Variants in CALCRL observed in about 807,000 individuals in gnomAD.
CALCRL encodes calcitonin gene-related peptide type 1 receptor.
A neutral mutation model predicts 60.4 loss-of-function variants in CALCRL; 27 were observed. The ratio of observed to expected loss-of-function variants is 0.45; its 90% CI spans 0.33 to 0.62. The LOEUF (loss-of-function observed/expected upper bound fraction) is 0.62, where lower values mean the gene tolerates loss of function less well. CALCRL is among the 20% of genes least tolerant of loss of function. The probability of loss-of-function intolerance (pLI) is 0.03; values close to 1 mark genes in which losing one functional copy is unlikely to be tolerated. For synonymous variants in CALCRL, 190 were observed against 182.6 expected (o/e 1.04, Z -0.33); for missense variants, 424 against 540.7 (o/e 0.78, Z 2.14).
At chr2:187,382,175 A>G (rs1190676300) in intron 5 of CALCRL, among the ~76,000 whole-genome samples, 4 of 152,294 alleles carry the variant, frequency 2.6e-5, no homozygotes, top group Admixed American at 2.6e-4. Flanking sequence ...GTTTTATGGC[A>G]TTTGAGTTAG....
intron 5 of CALCRL, among the ~76,000 whole-genome samples, chr2:187,382,709 C>A (rs1688031195): frequency 6.6e-6 from 1 of 151,966 alleles, no homozygotes; most frequent in Admixed American, 6.6e-5. Context: ...TATCTTAATG[C>A]AAACAGAAGC....
At chr2:187,370,198 TTC>T (rs923868021) in intron 8 of CALCRL, among the ~76,000 whole-genome samples, 1 of 152,184 alleles carries the variant, frequency 6.6e-6, no homozygotes, top group African/African-American at 2.4e-5. Context: ...TATCTAGTCA[TTC>T]TGTTTTTTCT....
chr2:187,346,328 T>A lies in CALCRL; in HGVS notation c.1242A>T (p.Glu414Asp). 6.2e-7 allele frequency: 1 copy of A among 1,612,544 alleles called. No homozygotes were observed. The highest frequency in any genetic ancestry group is 8.5e-7 in the Non-Finnish European group (1 of 1,179,062). ...IQFGNSFSNS[E>D]ALRSASYTVS... is the part of the protein sequence containing the mutation. Reference sequence around the variant, plus strand: ...CTGTGTAAGACGCACTACGAAGAGCTTCTGAGTTGGAAAAGCTGTTTCCAA... The same window carrying A: ...CTGTGTAAGACGCACTACGAAGAGCATCTGAGTTGGAAAAGCTGTTTCCAA... The change falls in exon 15 of 15, where the codon GAA becomes GAT. Residue 414 changes from glutamate (E) to aspartate (D), a missense_variant. By Grantham distance (45) the Glu-to-Asp change is conservative. Around this residue, in one of 7 missense-constraint regions of CALCRL, gnomAD observed 222 missense variants for 265.6 expected, o/e 0.84. Transcript: ENST00000392370.
intron 13 of CALCRL, 30 bp from the exon 14 acceptor site, chr2:187,351,991 C>G: frequency 2.5e-6 from 4 of 1,584,908 alleles, no homozygotes; most frequent in Non-Finnish European, 3.5e-6. Flanking sequence ...TGATCTGAAT[C>G]CAAATGGAAA....
intron 6 of CALCRL, 27 bp downstream of exon 6, chr2:187,380,650 G>GTT: frequency 1.3e-6 from 2 of 1,581,152 alleles, no homozygotes; most frequent in Non-Finnish European, 1.7e-6. Flanking sequence ...ATGTCAAGGA[G>GTT]ATATGTAGAT....
chr2:187,381,612 C>T lies in CALCRL; in HGVS notation c.185-825G>A, dbSNP rs764327562. Among the ~76,000 whole-genome samples the T allele has an allele frequency of 6.6e-5, 10 of 152,008 alleles. No individual in the cohort carries two copies. In the East Asian group the frequency reaches 9.7e-4, roughly 15 times the overall value. On this transcript the variant is annotated intron_variant, in intron 5 of 14. Transcript: ENST00000392370. ...CTGGGACTACAGGTGCCCGCCACTG[C>T]GCCCAGCTAATTTTTGTATTTTTAG...
chr2:187,383,203 T>C lies in CALCRL; in HGVS notation c.154A>G (p.Ile52Val). ...GCTTGTTGAATGGGGTCTTGCATAA[T>C]CTTTTGGTAACATTCATATTGAGCT... ...MTAQYECYQK[I>V]MQDPIQQAEG... is the part of the protein sequence containing the mutation. The change falls in exon 5 of 15, where the codon ATT becomes GTT. Residue 52 changes from isoleucine to valine, a missense_variant. By Grantham distance (29) the Ile-to-Val change is conservative (BLOSUM62 3). This residue lies in a region of CALCRL where 108 missense variants were observed against 132.9 expected (regional missense o/e 0.81). Coordinates refer to ENST00000392370, the MANE Select transcript of CALCRL (RefSeq NM_005795.6). The C allele has an allele frequency of 6.2e-7, 1 of 1,612,236 alleles. No individual in the cohort carries two copies. The highest frequency in any genetic ancestry group is 2.2e-5 in the East Asian group (1 of 44,760).
rs902620741 is a variant in CALCRL at position 187,342,254 on chromosome 2, T to C, written c.*3930A>G. On this transcript the variant is annotated 3_prime_UTR_variant, in exon 15 of 15. Transcript: ENST00000392370. ...TGAAATGAAAGTAGAGATAGAGGGA[T>C]AGAGAAGTGATGGCTAAAGGATACA... is the stretch of plus-strand genomic sequence containing the variant. Among the ~76,000 whole-genome samples the C allele has an allele frequency of 6.6e-6, 1 of 151,742 alleles. No individual in the cohort carries two copies. Among genetic ancestry groups the C allele is most frequent in the Non-Finnish European group, 1.5e-5 (1 of 67,728 alleles).
intron 12 of CALCRL, among the ~76,000 whole-genome samples, chr2:187,355,936 C>T (rs760036792): frequency 2.0e-5 from 3 of 152,132 alleles, no homozygotes; most frequent in Admixed American, 1.3e-4. Flanking sequence ...AGGAATACAA[C>T]TTCCAAGGGA....
chr2:187,400,229 A>T (rs7589584), intron 1 of CALCRL, among the ~76,000 whole-genome samples: 6,975 of 151,300 alleles, frequency 0.046, 536 homozygotes, highest in African/African-American at 0.16. Flanking sequence ...TCATTTTTTT[A>T]AAAAAATTGA....
At chr2:187,398,694 C>G (rs1688759308) in intron 1 of CALCRL, among the ~76,000 whole-genome samples, 1 of 151,600 alleles carries the variant, frequency 6.6e-6, no homozygotes, top group African/African-American at 2.4e-5. Context: ...CCAACCAACA[C>G]CACTGGAATT....
Position 187,388,025 on chromosome 2 carries a change from A to T in CALCRL, c.-292-269T>A. ...ATGTACATATTTTCTATGAGTAAAT[A>T]ATTTTTAAAGAGTAATTATGTCATT... On this transcript the variant is annotated intron_variant, in intron 1 of 14. Coordinates refer to ENST00000392370, the MANE Select transcript of CALCRL (RefSeq NM_005795.6). Among the ~76,000 whole-genome samples, 2 of 152,050 alleles carry T rather than the reference A, an allele frequency of 1.3e-5. 1 individual carries two copies. Among genetic ancestry groups the T allele is most frequent in the Non-Finnish European group, 2.9e-5 (2 of 67,950 alleles).
intron 1 of CALCRL, among the ~76,000 whole-genome samples, chr2:187,392,383 C>T (rs1688482926): frequency 6.6e-6 from 1 of 152,094 alleles, no homozygotes; most frequent in South Asian, 2.1e-4. Context: ...ATAAGGTTCA[C>T]CCACCTGAAC....
rs181290676 is a variant in CALCRL at position 187,342,087 on chromosome 2, A to C, written c.*4097T>G. ...ATGGAATAAAAGGAAACATTGATAC[A>C]TGCCAAAACATGAATGAATTTTAAA... On this transcript the variant is annotated 3_prime_UTR_variant, in exon 15 of 15. Coordinates refer to ENST00000392370, the MANE Select transcript of CALCRL (RefSeq NM_005795.6). Among the ~76,000 whole-genome samples the C allele has an allele frequency of 3.3e-5, 5 of 152,060 alleles. No homozygotes were observed. The East Asian group carries it at 9.6e-4, about 29-fold the overall frequency.
intron 1 of CALCRL, among the ~76,000 whole-genome samples, chr2:187,389,216 G>A (rs1057063086): frequency 1.3e-5 from 2 of 151,918 alleles, no homozygotes; most frequent in East Asian, 3.9e-4. Flanking sequence ...GGTGTTACAG[G>A]CGCCCACCAC....
At chr2:187,366,917 A>G (rs902240686) in intron 8 of CALCRL, among the ~76,000 whole-genome samples, 90 of 72,128 alleles carry the variant, frequency 1.2e-3, no homozygotes, top group African/African-American at 4.4e-3. Flanking sequence ...TGTGAGTATA[A>G]CCCCACACAC....
chr2:187,391,122 G>T (rs1363573188), intron 1 of CALCRL, among the ~76,000 whole-genome samples: 1 of 152,172 alleles, frequency 6.6e-6, no homozygotes, highest in East Asian at 1.9e-4. Flanking sequence ...ACTGGGAGAT[G>T]AAATGATGAC....
rs146733785 is a variant in CALCRL at position 187,363,404 on chromosome 2, T to C, written c.599A>G (p.Asn200Ser). 2 of 1,611,866 alleles carry C rather than the reference T, an allele frequency of 1.2e-6. No homozygotes were observed. Among genetic ancestry groups the C allele is most frequent in the Non-Finnish European group, 1.7e-6 (2 of 1,178,974 alleles). ...VTIIHLTAVANNQALVATNPV... is the reference protein window; with the variant it reads ...VTIIHLTAVASNQALVATNPV... ...ATTTGTGGCTACTAAGGCCTGGTTG[T>C]TGGCCACTGCAGTGAGGTGAATGAT... Residue 200 changes from asparagine (N) to serine (S), a missense_variant, in exon 9 of 15, where the codon AAC becomes AGC. Asn to Ser is a conservative substitution (Grantham distance 46, BLOSUM62 1). Around this residue, in one of 7 missense-constraint regions of CALCRL, gnomAD observed 43 missense variants for 40.9 expected, o/e 1.05. Transcript: ENST00000392370.
chr2:187,349,302 G>A (rs1559036076), intron 14 of CALCRL, among the ~76,000 whole-genome samples: 1 of 151,566 alleles, frequency 6.6e-6, no homozygotes, highest in East Asian at 1.9e-4. Context: ...AGTGAGAAAT[G>A]CTAATAGCAA....
Sources: gnomAD v4.1 joint callset for allele counts (sites outside exome capture counted in the v4.1 genomes callset) on GRCh38, gnomAD v4.1.1 for gene constraint, gnomAD v4.1.1 regional missense constraint, MANE v1.5 for transcripts, NCBI Gene and HGNC (gene_info 2026-07-23, HGNC 2026-07-21) for gene names.